NRN1: variants seen among roughly 807,000 people sequenced by gnomAD.
NRN1 encodes the protein neuritin 1.
A neutral mutation model predicts 15.0 loss-of-function variants in NRN1; 4 were observed. That is an observed-to-expected ratio of 0.27 (90% CI 0.13 to 0.61). NRN1 has a LOEUF of 0.61. Ranked by LOEUF, NRN1 falls within the 20% of genes least tolerant of loss-of-function variation. NRN1 has a pLI of 0.87. For missense variants in NRN1, 134 were observed against 181.9 expected (o/e 0.74, Z 1.51); for synonymous variants, 85 against 79.8 (o/e 1.07, Z -0.35).
rs528910731 is a variant in NRN1, at chr6:5,998,380, C to T, written c.*596G>A. On this transcript the variant is annotated 3_prime_UTR_variant, in exon 3 of 3. Transcript: ENST00000244766. The stretch of plus-strand genomic sequence containing the variant: ...CAGAGATTTCCTCAGCCCCTTCCCT[C>T]TCTCCCTCCTATCCTCCAAACACAA... 1.3e-5 allele frequency: 2 copies of T among 152,390 alleles called. No individual in the cohort carries two copies. The highest frequency in any genetic ancestry group is 2.9e-5 in the Non-Finnish European group (2 of 68,176). 9.4% of individuals were successfully genotyped at this position (152,390 alleles called of 1,614,324 possible). A position where few individuals can be genotyped will look rare whatever the true frequency, so the allele number is the denominator to read the frequency against.
intron 1 of NRN1, 31 bp from the exon 2 acceptor site, chr6:6,002,528 C>A (rs1475133924): frequency 6.2e-7 from 1 of 1,600,828 alleles, no homozygotes; most frequent in African/African-American, 1.3e-5. Context: ...CGGTCAGCAG[C>A]GCCACGACCC....
intron 1 of NRN1, chr6:6,002,731 G>A: frequency 3.4e-6 from 2 of 582,622 alleles, no homozygotes; most frequent in Non-Finnish European, 6.0e-6. Context: ...GCAGGTGTGG[G>A]TGGGTGGGAG....
rs754126927 is a variant in NRN1, at chr6:6,002,481, G to T, written c.72C>A (p.Ala24=). The T allele has an allele frequency of 2.2e-5, 35 of 1,613,926 alleles. 1 individual carries two copies. The South Asian group carries it at 3.2e-4, about 15-fold the overall frequency. The stretch of plus-strand genomic sequence containing the variant: ...CATCGCACTTGCCCGCTGCTCTCAC[G>T]GCCTGCACCAGATACGCTGCGGGGA... ...LAVQIAYLVQ[A]VRAAGKCDAV... The change falls in exon 2 of 3, where the codon GCC becomes GCA. Residue 24 remains alanine, a synonymous_variant. Transcript: ENST00000244766.
upstream of NRN1, chr6:6,007,087 C>A (rs543134658): frequency 7.5e-5 from 22 of 292,524 alleles, no homozygotes; most frequent in African/African-American, 4.6e-4. Context: ...AATATAGACA[C>A]CTTGGTAGAG....
At chr6:6,001,135 T>C (rs550156607) in intron 2 of NRN1, among the ~76,000 whole-genome samples, 2 of 152,356 alleles carry the variant, frequency 1.3e-5, no homozygotes, top group Admixed American at 6.5e-5. Flanking sequence ...TGGCTCCTAG[T>C]AGGCACTGGG....
At chr6:6,005,132 T>G (rs1045481131) in intron 1 of NRN1, among the ~76,000 whole-genome samples, 1 of 152,170 alleles carries the variant, frequency 6.6e-6, no homozygotes, top group Non-Finnish European at 1.5e-5. Context: ...CCGTCTTTTT[T>G]TTCCCTCCAA....
rs202118178 is a variant in NRN1, at chr6:5,999,253, C to A, written c.201-49G>T. 4 of 1,517,742 alleles carry A rather than the reference C, an allele frequency of 2.6e-6. No individual in the cohort carries two copies. In the South Asian group the frequency reaches 4.5e-5, roughly 17 times the overall value. The allele number at this position is 1,517,742 out of a possible 1,614,324, so 94.0% of individuals were successfully genotyped here. A position where few individuals can be genotyped will look rare whatever the true frequency, so the allele number is the denominator to read the frequency against. ...GAACAAGCAGGTTCACTTGGGACGC[C>A]GGGAACACCCCGGGCTTGCGCCCCT... On this transcript the variant is annotated intron_variant, in intron 2 of 2. Coordinates refer to ENST00000244766, the MANE Select transcript of NRN1 (RefSeq NM_016588.3).
At chr6:6,000,518 C>G (rs981835373) in intron 2 of NRN1, among the ~76,000 whole-genome samples, 7 of 152,092 alleles carry the variant, frequency 4.6e-5, no homozygotes, top group African/African-American at 1.4e-4. Context: ...TTTCTCCTCT[C>G]TCTTCCTTCT....
At chr6:6,003,608 A>AGGAGG in intron 1 of NRN1, 1 of 783,908 alleles carries the variant, frequency 1.3e-6, no homozygotes, top group Non-Finnish European at 1.7e-6. Flanking sequence ...GAGGAGGAGG[A>AGGAGG]AACACAGGCC....
At chr6:6,005,902 A>C (rs1758098638) in intron 1 of NRN1, among the ~76,000 whole-genome samples, 1 of 152,242 alleles carries the variant, frequency 6.6e-6, no homozygotes, top group African/African-American at 2.4e-5. Context: ...TCCTTAACAT[A>C]AAATGGGGAC....
chr6:6,000,720 C>CTTT (rs1561902728), intron 2 of NRN1, among the ~76,000 whole-genome samples: 11 of 72,878 alleles, frequency 1.5e-4, no homozygotes, highest in Non-Finnish European at 1.6e-4. Flanking sequence ...GCCTAAATTG[C>CTTT]TCTTTTTTTT....
At chr6:6,000,491 A>G (rs951517522) in intron 2 of NRN1, among the ~76,000 whole-genome samples, 85 of 152,052 alleles carry the variant, frequency 5.6e-4, no homozygotes, top group African/African-American at 2.0e-3. Flanking sequence ...CCTGCCTTCT[A>G]CATGGTTTGG....
At chr6:6,001,185 T>C (rs1294268112) in intron 2 of NRN1, among the ~76,000 whole-genome samples, 1 of 152,206 alleles carries the variant, frequency 6.6e-6, no homozygotes, top group Admixed American at 6.5e-5. Context: ...CACCATTTAA[T>C]TTAGCAAAAC....
rs1021709416 is a variant in NRN1, at chr6:5,998,743, G to A, written c.*233C>T. On this transcript the variant is annotated 3_prime_UTR_variant, in exon 3 of 3. Coordinates refer to ENST00000244766, the MANE Select transcript of NRN1 (RefSeq NM_016588.3). ...TTGTGTGTGAAGACGGACTAAAGCTGAGGTCCGATTTTGGCTGTGCTTGCT... is the reference window on the plus strand; with the variant it reads ...TTGTGTGTGAAGACGGACTAAAGCTAAGGTCCGATTTTGGCTGTGCTTGCT... 7.8e-6 allele frequency: 4 copies of A among 509,608 alleles called. No individual in the cohort carries two copies. Among genetic ancestry groups the A allele is most frequent in the Non-Finnish European group, 1.4e-5 (4 of 286,820 alleles). 31.6% of individuals were successfully genotyped at this position (509,608 alleles called of 1,614,324 possible).
chr6:6,000,754 C>T (rs685152), intron 2 of NRN1, among the ~76,000 whole-genome samples: 38,337 of 83,284 alleles, frequency 0.46, 9,732 homozygotes, highest in East Asian at 0.74. Context: ...TTTTTATGTA[C>T]GCCCAGATGA....
At chr6:6,001,043 C>T (rs959416568) in intron 2 of NRN1, among the ~76,000 whole-genome samples, 1 of 152,190 alleles carries the variant, frequency 6.6e-6, no homozygotes, top group African/African-American at 2.4e-5. Context: ...TATAGATATA[C>T]ATTCTTATCC....
chr6:6,006,720 A>C lies in NRN1; in HGVS notation c.30T>G (p.Ile10Met), dbSNP rs375672175. ...CTATTTGCACCGCGAGGATCAGTGA[A>C]ATATATCTGCCGTTCAACTTAAGTC... MGLKLNGRY[I>M]SLILAVQIAY... The change falls in exon 1 of 3, where the codon ATT (isoleucine) becomes ATG (methionine). Residue 10 changes from isoleucine (I) to methionine (M), a missense_variant. By Grantham distance (10) the Ile-to-Met change is conservative (BLOSUM62 1). Transcript: ENST00000244766. 1 of 1,613,974 alleles carries C rather than the reference A, an allele frequency of 6.2e-7. No individual in the cohort carries two copies. Among genetic ancestry groups the C allele is most frequent in the Non-Finnish European group, 8.5e-7 (1 of 1,179,972 alleles).
intron 1 of NRN1, chr6:6,004,139 G>C (rs1158109177): frequency 1.4e-6 from 1 of 695,588 alleles, no homozygotes; most frequent in African/African-American, 1.9e-5. Context: ...ACTGGGGAAG[G>C]GACCGAGGTT....
At chr6:6,000,976 T>C (rs1757929529) in intron 2 of NRN1, among the ~76,000 whole-genome samples, 1 of 152,118 alleles carries the variant, frequency 6.6e-6, no homozygotes, top group Admixed American at 6.5e-5. Flanking sequence ...AATAAACAAG[T>C]TCCACCAAAT....
Sources: gnomAD v4.1 joint callset for allele counts (sites outside exome capture counted in the v4.1 genomes callset) on GRCh38, gnomAD v4.1.1 for gene constraint, MANE v1.5 for transcripts, NCBI Gene and HGNC (gene_info 2026-07-23, HGNC 2026-07-21) for gene names.